Variants in NCKAP5 observed in about 807,000 individuals in gnomAD.
NCKAP5 encodes the protein NCK associated protein 5.
In NCKAP5, 92 loss-of-function variants were observed where a neutral mutation model predicts 167.0. The ratio of observed to expected loss-of-function variants is 0.55; its 90% CI spans 0.47 to 0.66. The LOEUF is 0.66. Among genes scored for constraint, NCKAP5 ranks in the 30% least tolerant of loss-of-function variants. NCKAP5 has a pLI of 0.00. For missense variants in NCKAP5, 2,378 were observed against 2,315.0 expected (o/e 1.03, Z -0.56); for synonymous variants, 891 against 877.4 (o/e 1.02, Z -0.27).
At chr2:133,306,220 C>T (rs1287227939) in intron 3 of NCKAP5, among the ~76,000 whole-genome samples, 3 of 152,174 alleles carry the variant, frequency 2.0e-5, no homozygotes, top group African/African-American at 7.2e-5. Context: ...ACAGTGGCTG[C>T]AAGAGCTTTG....
intron 11 of NCKAP5, among the ~76,000 whole-genome samples, chr2:132,852,409 G>C (rs910077426): frequency 2.2e-4 from 33 of 152,246 alleles, no homozygotes; most frequent in Middle Eastern, 3.4e-3. Context: ...TAGACACAGA[G>C]GGCTCTTCAC....
intron 4 of NCKAP5, among the ~76,000 whole-genome samples, 157 bp downstream of exon 4, chr2:133,302,880 T>A (rs1305852626): frequency 6.6e-6 from 1 of 152,190 alleles, no homozygotes; most frequent in African/African-American, 2.4e-5. Flanking sequence ...CACATTACAA[T>A]TTTGCCATTC....
At chr2:133,471,766 T>C (rs1248775435) in intron 3 of NCKAP5, among the ~76,000 whole-genome samples, 1 of 152,100 alleles carries the variant, frequency 6.6e-6, no homozygotes, top group Non-Finnish European at 1.5e-5. Flanking sequence ...CCTCTCCCCT[T>C]GTCCTGACCA....
At chr2:132,781,912 A>T (rs764926966) in intron 14 of NCKAP5, 28 bp downstream of exon 14, 5 of 1,587,336 alleles carry the variant, frequency 3.1e-6, no homozygotes, top group Admixed American at 1.7e-5. Context: ...ACCCCTCTAC[A>T]TTGCTACCTG....
chr2:132,708,727 C>A lies in NCKAP5; in HGVS notation c.5713+16900G>T, dbSNP rs192878554. 3.3e-5 allele frequency among the ~76,000 whole-genome samples: 5 copies of A among 152,318 alleles called. No homozygotes were observed. The East Asian group carries it at 7.7e-4, about 23-fold the overall frequency. On this transcript the variant is annotated intron_variant, in intron 19 of 19. Transcript: ENST00000409261. Reference sequence around the variant, plus strand: ...TTATTACCGATATTTGTTTTCTATTCTTTAGAATGCCTTCTTACGTCTTTC... The same window carrying A: ...TTATTACCGATATTTGTTTTCTATTATTTAGAATGCCTTCTTACGTCTTTC...
chr2:133,519,165 T>C (rs552940187), intron 2 of NCKAP5, among the ~76,000 whole-genome samples: 6 of 152,242 alleles, frequency 3.9e-5, no homozygotes, highest in South Asian at 2.1e-4. Flanking sequence ...GCCCAAACTA[T>C]AGTCAATCAT....
intron 5 of NCKAP5, among the ~76,000 whole-genome samples, chr2:133,155,220 C>T (rs1317369938): frequency 6.6e-6 from 1 of 152,182 alleles, no homozygotes; most frequent in South Asian, 2.1e-4. Context: ...GGAGCTCAAA[C>T]AGGAGATCAG....
intron 6 of NCKAP5, among the ~76,000 whole-genome samples, chr2:133,060,952 C>T (rs896263911): frequency 2.0e-5 from 3 of 151,950 alleles, no homozygotes; most frequent in Admixed American, 6.6e-5. Context: ...GCTATGGGGA[C>T]GGCCTGCATT....
At chr2:132,733,668 G>A (rs1181465939) in intron 16 of NCKAP5, among the ~76,000 whole-genome samples, 1 of 152,174 alleles carries the variant, frequency 6.6e-6, no homozygotes, top group East Asian at 1.9e-4. Flanking sequence ...TTATCCTTAA[G>A]TATCTTTTCT....
At chr2:132,676,283 C>CA (rs1684458576) in intron 19 of NCKAP5, among the ~76,000 whole-genome samples, 1 of 61,136 alleles carries the variant, frequency 1.6e-5, no homozygotes, top group Admixed American at 2.3e-4. Context: ...TTGTTTTATC[C>CA]TTTTTTTTTT....
chr2:133,494,030 G>T (rs1189824064), intron 3 of NCKAP5, among the ~76,000 whole-genome samples: 6 of 152,176 alleles, frequency 3.9e-5, no homozygotes, highest in African/African-American at 1.4e-4. Context: ...GTGAGAAAAA[G>T]TTGGTAGCCC....
the NCKAP5 span, among the ~76,000 whole-genome samples, chr2:133,659,828 T>C: frequency 6.6e-6 from 1 of 152,218 alleles, no homozygotes; most frequent in Non-Finnish European, 1.5e-5. Context: ...AGTATATACA[T>C]AATGGTGAAC....
At chr2:133,660,747 A>G in the NCKAP5 span, among the ~76,000 whole-genome samples, 1 of 152,108 alleles carries the variant, frequency 6.6e-6, no homozygotes, top group African/African-American at 2.4e-5. Flanking sequence ...CCTCCCTGAG[A>G]AACTAGGATG....
chr2:133,500,093 A>T (rs989329225), intron 3 of NCKAP5, among the ~76,000 whole-genome samples: 6 of 152,148 alleles, frequency 3.9e-5, no homozygotes, highest in Non-Finnish European at 8.8e-5. Flanking sequence ...AGAATCTTAT[A>T]AAAAGGATAA....
chr2:133,640,752 T>C, the NCKAP5 span, among the ~76,000 whole-genome samples: 224 of 152,294 alleles, frequency 1.5e-3, 3 homozygotes, highest in East Asian at 0.041. Flanking sequence ...AATGAATAAA[T>C]AGAATAAATG....
chr2:132,803,607 C>A (rs1685203297), intron 11 of NCKAP5, among the ~76,000 whole-genome samples: 1 of 152,192 alleles, frequency 6.6e-6, no homozygotes, highest in Non-Finnish European at 1.5e-5. Flanking sequence ...ATGACCAGAG[C>A]ACCTCTTACC....
intron 3 of NCKAP5, among the ~76,000 whole-genome samples, chr2:133,324,814 G>A (rs1682319648): frequency 6.6e-6 from 1 of 152,002 alleles, no homozygotes; most frequent in Non-Finnish European, 1.5e-5. Flanking sequence ...TCACCGCCTG[G>A]GTTCAAGTGA....
chr2:133,209,812 G>C (rs982246378), intron 5 of NCKAP5, among the ~76,000 whole-genome samples: 1 of 152,058 alleles, frequency 6.6e-6, no homozygotes, highest in African/African-American at 2.4e-5. Context: ...TAAAGGGTAG[G>C]CAGGTGTGTA....
intron 16 of NCKAP5, among the ~76,000 whole-genome samples, chr2:132,766,656 G>A (rs1477106229): frequency 6.6e-6 from 1 of 152,204 alleles, no homozygotes; most frequent in African/African-American, 2.4e-5. Flanking sequence ...TAAGCACCTA[G>A]ATCTTGGGTC....
Sources: allele counts gnomAD v4.1 joint callset (sites outside exome capture counted in the v4.1 genomes callset), GRCh38; gene constraint gnomAD v4.1.1; transcripts MANE v1.5; gene names NCBI Gene and HGNC (gene_info 2026-07-23, HGNC 2026-07-21).